The following PI4KB variants were observed in gnomAD, a reference collection of about 807,000 sequenced individuals.
PI4KB encodes the protein phosphatidylinositol 4-kinase beta, also known as PtdIns 4-kinase beta.
PI4KB carries 23 observed loss-of-function variants against 81.4 expected under a neutral mutation model. The observed-to-expected ratio is 0.28, with a 90% CI of 0.20 to 0.40. The LOEUF (loss-of-function observed/expected upper bound fraction) is 0.40. Ranked by LOEUF, PI4KB falls within the 10% of genes least tolerant of loss-of-function variation. The pLI, the probability that PI4KB is intolerant of heterozygous loss-of-function variation, is 1.00. For missense variants in PI4KB, 651 were observed against 1,036.6 expected (o/e 0.63, Z 5.11); for synonymous variants, 381 against 406.8 (o/e 0.94, Z 0.76).
intron 4 of PI4KB, 28 bp downstream of exon 4, chr1:151,307,546 G>A (rs1466068122): frequency 1.3e-6 from 2 of 1,492,988 alleles, no homozygotes; most frequent in Non-Finnish European, 9.3e-7. Flanking sequence ...CACGTCCAGG[G>A]TAGGGGTTTG....
rs1319039754 is a variant in PI4KB, at chr1:151,292,647, C to A, written c.*205G>T. 3.4e-6 allele frequency: 2 copies of A among 584,206 alleles called. No homozygotes were observed. The highest frequency in any genetic ancestry group is 6.1e-6 in the Non-Finnish European group (2 of 329,024). 36.2% of individuals were successfully genotyped at this position (584,206 alleles called of 1,614,324 possible). A position where few individuals can be genotyped will look rare whatever the true frequency, so the allele number is the denominator to read the frequency against. On this transcript the variant is annotated 3_prime_UTR_variant, in exon 12 of 12. Transcript: ENST00000368873. ...CACAGACCAGGAGGGGCAGGGAAGC[C>A]CCAACAAGTCTGGACCCCACAGCTG... is the stretch of plus-strand genomic sequence containing the variant.
At position 151,316,465 on chromosome 1, in the gene PI4KB, A is replaced by C; in HGVS notation, c.17T>G (p.Val6Gly). ...AGTTGGCTTCAAGGGGGCAGGCTCC[A>C]CTACTGTATCTCCCATGGCCACAGC... MGDTV[V>G]EPAPLKPTSE... Residue 6 changes from valine to glycine, a missense_variant, in exon 2 of 12, where the codon GTG (valine) becomes GGG (glycine). Val to Gly is a moderately radical substitution (Grantham distance 109). Around this residue, in one of 5 missense-constraint regions of PI4KB, gnomAD observed 314 missense variants for 397.8 expected, o/e 0.79. Coordinates refer to ENST00000368873, the MANE Select transcript of PI4KB (RefSeq NM_001369623.2). The C allele has an allele frequency of 6.5e-7, 1 of 1,539,448 alleles. No homozygotes were observed. The highest frequency in any genetic ancestry group is 8.7e-7 in the Non-Finnish European group (1 of 1,146,012).
At chr1:151,319,225 T>C (rs7518924) in intron 1 of PI4KB, among the ~76,000 whole-genome samples, 94,000 of 151,494 alleles carry the variant, frequency 0.62, 29,407 homozygotes, top group Middle Eastern at 0.68. Context: ...GTAATCCCAG[T>C]GCACTGGGTG....
intron 8 of PI4KB, chr1:151,300,722 G>C (rs901710240): frequency 6.6e-6 from 1 of 152,078 alleles, no homozygotes; most frequent in East Asian, 1.9e-4. Context: ...TCACAGTCTC[G>C]ATCCTGTTAC....
chr1:151,294,253 C>T, intron 10 of PI4KB, 115 bp from the exon 11 acceptor site: 1 of 1,489,996 alleles, frequency 6.7e-7, no homozygotes. Flanking sequence ...TTTCCCCCTT[C>T]CTTATTGGGC....
intron 5 of PI4KB, among the ~76,000 whole-genome samples, chr1:151,303,961 G>C (rs1242860179): frequency 1.8e-4 from 27 of 152,174 alleles, no homozygotes; most frequent in Admixed American, 1.8e-3. Flanking sequence ...ACTAAAGTTT[G>C]CAAACCACTG....
At position 151,293,036 on chromosome 1, in the gene PI4KB, G is replaced by A; in HGVS notation, c.2270-3C>T. ...ATGGAAGCAAGGAAGCTGAGAACCT[G>A]GGGGAAGCAGTCGGAGTTCAGGGTC... On this transcript the variant is annotated splice_polypyrimidine_tract_variant and splice_region_variant and intron_variant, in intron 11 of 11. Coordinates refer to ENST00000368873, the MANE Select transcript of PI4KB (RefSeq NM_001369623.2). The A allele has an allele frequency of 6.2e-7, 1 of 1,613,732 alleles. No homozygotes were observed. Among genetic ancestry groups the A allele is most frequent in the South Asian group, 1.1e-5 (1 of 91,052 alleles).
At chr1:151,293,279 T>C (rs1694462537) in intron 11 of PI4KB, 1 of 1,394,306 alleles carries the variant, frequency 7.2e-7, no homozygotes, top group Non-Finnish European at 9.4e-7. Flanking sequence ...CAACACCACA[T>C]CTCCCTCAGT....
At position 151,294,615 on chromosome 1, in the gene PI4KB, C is replaced by T. The variant is rs587643464; in HGVS notation, c.2016-74G>A. On this transcript the variant is annotated intron_variant, in intron 9 of 11. Coordinates refer to ENST00000368873, the MANE Select transcript of PI4KB (RefSeq NM_001369623.2). ...GAGGCTGGAACCTTAAGCAGCAATA[C>T]ACTGGCCACATGACACCAGGGAGGG... 6.3e-6 allele frequency: 9 copies of T among 1,437,984 alleles called. No homozygotes were observed. In the African/African-American group the frequency reaches 1.1e-4, roughly 18 times the overall value. 89.1% of individuals were successfully genotyped at this position (1,437,984 alleles called of 1,614,324 possible).
chr1:151,327,431 G>A (rs950623518), upstream of PI4KB: 2 of 397,652 alleles, frequency 5.0e-6, no homozygotes, highest in Non-Finnish European at 8.9e-6. Flanking sequence ...GGCTGCCCGC[G>A]GCGCCGCCTG....
chr1:151,306,609 G>T (rs587729212), intron 4 of PI4KB, among the ~76,000 whole-genome samples: 2 of 152,306 alleles, frequency 1.3e-5, no homozygotes, highest in South Asian at 2.1e-4. Flanking sequence ...ATGTACAGAT[G>T]ATGTGCTTGG....
In PI4KB at chr1:151,307,744, G is replaced by A. The variant is rs752433181; in HGVS notation, c.1012C>T (p.Arg338Trp). 6.2e-7 allele frequency: 1 copy of A among 1,614,116 alleles called. No individual in the cohort carries two copies. Among genetic ancestry groups the A allele is most frequent in the Non-Finnish European group, 8.5e-7 (1 of 1,179,970 alleles). ...TCTTTGGTGGGGAGCGTGGCCAGCC[G>A]CTTGCCGATCGCCATCAGGGACTTG... ...FIKSLMAIGK[R>W]LATLPTKEQK... Residue 338 changes from arginine (R) to tryptophan (W), a missense_variant, in exon 4 of 12, where the codon CGG becomes TGG. This residue lies in a region of PI4KB where 246 missense variants were observed against 430.1 expected (regional missense o/e 0.57). Coordinates refer to ENST00000368873, the MANE Select transcript of PI4KB (RefSeq NM_001369623.2).
At chr1:151,309,542 C>G (rs1490600621) in intron 3 of PI4KB, among the ~76,000 whole-genome samples, 1 of 152,200 alleles carries the variant, frequency 6.6e-6, no homozygotes, top group Non-Finnish European at 1.5e-5. Context: ...CTTTGCCCAG[C>G]AACAAGGTCC....
chr1:151,312,711 GCAT>G (rs1463438089), intron 2 of PI4KB, among the ~76,000 whole-genome samples: 1 of 152,190 alleles, frequency 6.6e-6, no homozygotes, highest in Non-Finnish European at 1.5e-5. Context: ...CTTGACAGAC[GCAT>G]CCTCAAAATG....
At chr1:151,302,108 G>A in intron 7 of PI4KB, 86 bp downstream of exon 7, 1 of 1,542,158 alleles carries the variant, frequency 6.5e-7, no homozygotes, top group Non-Finnish European at 8.9e-7. Flanking sequence ...TTTTTTGGAG[G>A]CTGATGGACA....
chr1:151,314,818 C>G (rs1158323534), intron 2 of PI4KB, among the ~76,000 whole-genome samples: 1 of 152,100 alleles, frequency 6.6e-6, no homozygotes, highest in Non-Finnish European at 1.5e-5. Flanking sequence ...TCTAACATCT[C>G]CCCTACCCCA....
intron 9 of PI4KB, 74 bp downstream of exon 9, chr1:151,298,734 T>G: frequency 6.8e-7 from 1 of 1,464,166 alleles, no homozygotes; most frequent in Non-Finnish European, 9.4e-7. Context: ...CAGTAATAAG[T>G]AATTGAGAAC....
intron 8 of PI4KB, 30 bp downstream of exon 8, chr1:151,301,814 T>C: frequency 6.2e-7 from 1 of 1,610,036 alleles, no homozygotes; most frequent in Non-Finnish European, 8.5e-7. Flanking sequence ...TTACAGCCAC[T>C]GTGCCTGGCC....
rs1163247164 is a variant in PI4KB at position 151,297,754 on chromosome 1, G to A, written c.2015+1054C>T. Among the ~76,000 whole-genome samples the A allele has an allele frequency of 2.0e-5, 3 of 152,172 alleles. No homozygotes were observed. The East Asian group carries it at 5.8e-4, about 29-fold the overall frequency. ...GGGTTTCACCATGTTGGCCAGGCTG[G>A]TTTCAAACTCCTGACCTCAGGTGAT... On this transcript the variant is annotated intron_variant, in intron 9 of 11. Coordinates refer to ENST00000368873, the MANE Select transcript of PI4KB (RefSeq NM_001369623.2).
Sources: allele counts gnomAD v4.1 joint callset (sites outside exome capture counted in the v4.1 genomes callset), GRCh38; gene constraint gnomAD v4.1.1; regional missense constraint gnomAD v4.1.1; transcripts MANE v1.5; gene names NCBI Gene and HGNC (gene_info 2026-07-23, HGNC 2026-07-21).